SLC71A2: variants seen among roughly 807,000 people sequenced by gnomAD.
SLC71A2 encodes the protein solute carrier family 71 member 2.
chr9:94,398,758 G>C, the SLC71A2 span, among the ~76,000 whole-genome samples: 6 of 138,368 alleles, frequency 4.3e-5, no homozygotes, highest in South Asian at 1.6e-3. Flanking sequence ...AACTCTTGGT[G>C]GGCTTTTGTT....
chr9:94,459,585 CT>C, the SLC71A2 span: 2 of 547,804 alleles, frequency 3.7e-6, no homozygotes, highest in South Asian at 6.0e-5. Context: ...TTTTTTTTTT[CT>C]CTTACATTCT....
the SLC71A2 span, among the ~76,000 whole-genome samples, chr9:94,438,720 C>T: frequency 6.6e-6 from 1 of 152,164 alleles, no homozygotes; most frequent in South Asian, 2.1e-4. Flanking sequence ...GTAGTGAAGA[C>T]ATTCTAGAAT....
At chr9:94,378,327 G>C in the SLC71A2 span, among the ~76,000 whole-genome samples, 1 of 152,042 alleles carries the variant, frequency 6.6e-6, no homozygotes. Flanking sequence ...CTTATCACGT[G>C]TTGGGGAGGG....
the SLC71A2 span, among the ~76,000 whole-genome samples, chr9:94,443,734 G>A: frequency 6.6e-6 from 1 of 152,186 alleles, no homozygotes; most frequent in Non-Finnish European, 1.5e-5. Flanking sequence ...TGCTGCAGCA[G>A]TGCCCCCTTA....
the SLC71A2 span, chr9:94,456,137 A>G: frequency 2.9e-6 from 2 of 684,320 alleles, no homozygotes; most frequent in Non-Finnish European, 4.9e-6. Context: ...AAAATGTAAC[A>G]GGAGAAAACA....
the SLC71A2 span, among the ~76,000 whole-genome samples, chr9:94,421,131 T>C: frequency 9.4e-6 from 1 of 105,874 alleles, no homozygotes; most frequent in Non-Finnish European, 1.9e-5. Flanking sequence ...TTTTGAGCTG[T>C]GTAGGAGTTT....
chr9:94,374,663 G>A, the SLC71A2 span: 1 of 154,196 alleles, frequency 6.5e-6, no homozygotes, highest in South Asian at 2.0e-4. Flanking sequence ...TTCAGCCTCC[G>A]CCGCCTCCTC....
At chr9:94,403,804 T>A in the SLC71A2 span, among the ~76,000 whole-genome samples, 2 of 152,200 alleles carry the variant, frequency 1.3e-5, no homozygotes, top group African/African-American at 2.4e-5. Flanking sequence ...GCAAGGCTTC[T>A]AATTTCTTCA....
chr9:94,408,899 C>T, the SLC71A2 span, among the ~76,000 whole-genome samples: 2 of 149,172 alleles, frequency 1.3e-5, no homozygotes, highest in Non-Finnish European at 3.0e-5. Flanking sequence ...TCTCTGCTCA[C>T]TGCAAGCTCC....
the SLC71A2 span, among the ~76,000 whole-genome samples, chr9:94,378,567 C>T: frequency 6.6e-6 from 1 of 151,974 alleles, no homozygotes; most frequent in East Asian, 1.9e-4. Flanking sequence ...GGCGCCACTG[C>T]ACTCCACCCT....
At chr9:94,399,784 G>A in the SLC71A2 span, among the ~76,000 whole-genome samples, 2 of 151,112 alleles carry the variant, frequency 1.3e-5, no homozygotes, top group East Asian at 3.9e-4. Flanking sequence ...AATCACTGAG[G>A]TGAGTATTGC....
the SLC71A2 span, chr9:94,415,388 T>G: frequency 4.4e-6 from 3 of 680,178 alleles, no homozygotes; most frequent in South Asian, 3.6e-5. Flanking sequence ...TTTCATTGTT[T>G]TTTTTTTTTC....
the SLC71A2 span, chr9:94,458,392 C>T: frequency 1.1e-4 from 178 of 1,613,950 alleles, no homozygotes; most frequent in African/African-American, 2.0e-3. Flanking sequence ...TGTATGGCTT[C>T]ATATTCTACA....
At chr9:94,418,921 T>C in the SLC71A2 span, among the ~76,000 whole-genome samples, 2 of 152,186 alleles carry the variant, frequency 1.3e-5, no homozygotes, top group Non-Finnish European at 2.9e-5. Context: ...CATGGATTCG[T>C]TTAGTTCTTT....
At chr9:94,397,507 A>C in the SLC71A2 span, among the ~76,000 whole-genome samples, 1 of 152,198 alleles carries the variant, frequency 6.6e-6, no homozygotes, top group African/African-American at 2.4e-5. Context: ...AAGGAAAAAA[A>C]AAATCCACTG....
chr9:94,390,336 A>G, the SLC71A2 span, among the ~76,000 whole-genome samples: 1 of 149,674 alleles, frequency 6.7e-6, no homozygotes, highest in South Asian at 2.2e-4. Flanking sequence ...AGAAATTGGA[A>G]TGGTTGGAAG....
At chr9:94,381,590 G>A in the SLC71A2 span, among the ~76,000 whole-genome samples, 1 of 152,212 alleles carries the variant, frequency 6.6e-6, no homozygotes, top group Non-Finnish European at 1.5e-5. Context: ...GTGAACATCT[G>A]TGTGCCAATC....
At chr9:94,390,286 A>G in the SLC71A2 span, among the ~76,000 whole-genome samples, 1 of 149,890 alleles carries the variant, frequency 6.7e-6, no homozygotes, top group Non-Finnish European at 1.5e-5. Context: ...CATAATGGAA[A>G]GTGTCATACA....
At chr9:94,442,617 G>C in the SLC71A2 span, among the ~76,000 whole-genome samples, 2 of 152,168 alleles carry the variant, frequency 1.3e-5, no homozygotes, top group African/African-American at 4.8e-5. Flanking sequence ...TTGAGAGGCT[G>C]AGGTGGGGGC....
Sources: gnomAD v4.1 joint callset for allele counts (sites outside exome capture counted in the v4.1 genomes callset) on GRCh38, gnomAD v4.1.1 for gene constraint, MANE v1.5 for transcripts, NCBI Gene and HGNC (gene_info 2026-07-23, HGNC 2026-07-21) for gene names.